Variants in CCDC85A observed in about 807,000 individuals in gnomAD.
CCDC85A encodes coiled-coil domain-containing protein 85A.
A neutral mutation model predicts 50.2 loss-of-function variants in CCDC85A; 38 were observed. The observed-to-expected ratio is 0.76, with a 90% CI of 0.58 to 0.99. The LOEUF is 0.99. Ranked by LOEUF, CCDC85A falls within the 50% of genes least tolerant of loss-of-function variation. The pLI is 0.00. For synonymous variants in CCDC85A, 366 were observed against 301.4 expected (o/e 1.21, Z -2.22); for missense variants, 820 against 742.0 (o/e 1.11, Z -1.22).
intron 2 of CCDC85A, among the ~76,000 whole-genome samples, chr2:56,199,900 C>T (rs773620566): frequency 2.6e-5 from 4 of 152,304 alleles, no homozygotes; most frequent in Non-Finnish European, 2.9e-5. Context: ...GATGGAGTCT[C>T]GCTCTGTTGC....
Position 56,204,184 on chromosome 2 carries a change from T to A in CCDC85A, c.1240+10744T>A, listed in dbSNP as rs140336295. 2.9e-3 allele frequency among the ~76,000 whole-genome samples: 438 copies of A among 152,162 alleles called. 5 individuals are homozygous for A. Among genetic ancestry groups the A allele is most frequent in the African/African-American group, 1.0e-2 (414 of 41,486 alleles). On this transcript the variant is annotated intron_variant, in intron 2 of 5. Transcript: ENST00000407595. ...ATGGTAAAATAATCATCTGTTAACATCATAATTTCATAGAAGAAGATCCTT... is the reference window on the plus strand; with the variant it reads ...ATGGTAAAATAATCATCTGTTAACAACATAATTTCATAGAAGAAGATCCTT...
chr2:56,312,280 A>T (rs1355745632), intron 2 of CCDC85A, among the ~76,000 whole-genome samples: 2 of 152,102 alleles, frequency 1.3e-5, no homozygotes, highest in African/African-American at 4.8e-5. Flanking sequence ...ATTTATGAGG[A>T]GAAAATGTGA....
intron 2 of CCDC85A, among the ~76,000 whole-genome samples, chr2:56,300,189 T>A (rs1296053823): frequency 6.7e-6 from 1 of 148,432 alleles, no homozygotes; most frequent in Non-Finnish European, 1.5e-5. Context: ...GGGAGTAAGA[T>A]AGGGACACAG....
chr2:56,190,609 T>C (rs1440138539), intron 1 of CCDC85A, among the ~76,000 whole-genome samples: 1 of 152,186 alleles, frequency 6.6e-6, no homozygotes, highest in East Asian at 1.9e-4. Flanking sequence ...AAATGAGACC[T>C]GATGGTTGTC....
At chr2:56,326,544 C>T (rs1673480931) in intron 2 of CCDC85A, among the ~76,000 whole-genome samples, 2 of 152,076 alleles carry the variant, frequency 1.3e-5, no homozygotes, top group Admixed American at 6.6e-5. Flanking sequence ...CCGTACTACA[C>T]TATTGTGAAG....
At chr2:56,307,926 A>T (rs1439093580) in intron 2 of CCDC85A, among the ~76,000 whole-genome samples, 3 of 152,224 alleles carry the variant, frequency 2.0e-5, no homozygotes, top group African/African-American at 7.2e-5. Context: ...AGAAAAGAAA[A>T]GCCTTTCTGA....
rs570480592 is a variant in CCDC85A, at chr2:56,232,725, A to G, written c.1240+39285A>G. ...CATATCAGCATGAGAATGATCTAATACACATCCCCTCACCACTCCACATCC... is the reference window on the plus strand; with the variant it reads ...CATATCAGCATGAGAATGATCTAATGCACATCCCCTCACCACTCCACATCC... On this transcript the variant is annotated intron_variant, in intron 2 of 5. Transcript: ENST00000407595. Among the ~76,000 whole-genome samples the G allele has an allele frequency of 3.3e-5, 5 of 152,236 alleles. No homozygotes were observed. In the East Asian group the frequency reaches 9.6e-4, roughly 29 times the overall value.
chr2:56,242,152 C>A (rs922204744), intron 2 of CCDC85A, among the ~76,000 whole-genome samples: 8 of 152,156 alleles, frequency 5.3e-5, no homozygotes, highest in Admixed American at 4.6e-4. Context: ...CTATTCAGAT[C>A]TTTTGTCAGT....
At chr2:56,328,062 T>C (rs1673566681) in intron 2 of CCDC85A, among the ~76,000 whole-genome samples, 1 of 152,104 alleles carries the variant, frequency 6.6e-6, no homozygotes, top group Non-Finnish European at 1.5e-5. Context: ...CTGGCAGAAT[T>C]AGAGCTGTCA....
chr2:56,232,294 C>A (rs188825835), intron 2 of CCDC85A, among the ~76,000 whole-genome samples: 5 of 152,194 alleles, frequency 3.3e-5, no homozygotes, highest in Admixed American at 2.6e-4. Context: ...AGCTATTTCC[C>A]CCCTGAGACT....
At chr2:56,195,888 CAG>C (rs1346696065) in intron 2 of CCDC85A, among the ~76,000 whole-genome samples, 2 of 152,044 alleles carry the variant, frequency 1.3e-5, no homozygotes, top group Non-Finnish European at 1.5e-5. Context: ...CAGACTGAAA[CAG>C]AAATGAAATA....
chr2:56,273,186 G>T (rs1426367222), intron 2 of CCDC85A, among the ~76,000 whole-genome samples: 1 of 152,064 alleles, frequency 6.6e-6, no homozygotes, highest in East Asian at 1.9e-4. Context: ...TGGTATAAAA[G>T]ATAAGAAAAC....
intron 3 of CCDC85A, among the ~76,000 whole-genome samples, chr2:56,369,154 C>T (rs1019740259): frequency 5.3e-5 from 8 of 152,088 alleles, no homozygotes; most frequent in Admixed American, 1.3e-4. Context: ...ACTTAATTCA[C>T]GCAAATTTGA....
intron 2 of CCDC85A, among the ~76,000 whole-genome samples, chr2:56,329,117 CCTTCA>C: frequency 6.6e-6 from 1 of 152,282 alleles, no homozygotes; most frequent in Non-Finnish European, 1.5e-5. Context: ...CCCCTCATTT[CCTTCA>C]CTTCACTTTG....
At chr2:56,266,578 G>GGCCCCC (rs71393521) in intron 2 of CCDC85A, among the ~76,000 whole-genome samples, 2 of 60,338 alleles carry the variant, frequency 3.3e-5, no homozygotes, top group Non-Finnish European at 6.5e-5. Context: ...ACAATAACGC[G>GGCCCCC]CCCCCCCCCC....
chr2:56,300,270 A>G (rs767795155), intron 2 of CCDC85A, among the ~76,000 whole-genome samples: 7 of 152,240 alleles, frequency 4.6e-5, no homozygotes, highest in Admixed American at 1.3e-4. Flanking sequence ...CTTAAGGGTA[A>G]ATACCATGTA....
intron 2 of CCDC85A, among the ~76,000 whole-genome samples, chr2:56,323,605 G>A (rs1471407223): frequency 6.6e-6 from 1 of 152,022 alleles, no homozygotes; most frequent in Non-Finnish European, 1.5e-5. Flanking sequence ...ATTTGGCTGA[G>A]CTTCTGAAAC....
chr2:56,367,126 T>C (rs1675833961), intron 3 of CCDC85A, among the ~76,000 whole-genome samples: 1 of 152,142 alleles, frequency 6.6e-6, no homozygotes, highest in African/African-American at 2.4e-5. Context: ...AATTGTATTC[T>C]CTATGTGGGA....
chr2:56,301,732 C>G (rs1178237503), intron 2 of CCDC85A, among the ~76,000 whole-genome samples: 1 of 152,134 alleles, frequency 6.6e-6, no homozygotes, highest in African/African-American at 2.4e-5. Flanking sequence ...ACTGCATGTT[C>G]TCACTCATAA....
Sources: gnomAD v4.1 joint callset for allele counts (sites outside exome capture counted in the v4.1 genomes callset) on GRCh38, gnomAD v4.1.1 for gene constraint, MANE v1.5 for transcripts, NCBI Gene and HGNC (gene_info 2026-07-23, HGNC 2026-07-21) for gene names.